ESRRG: variants seen among roughly 807,000 people sequenced by gnomAD.
The protein encoded by ESRRG is estrogen-related receptor gamma.
Under a neutral mutation model 44.0 loss-of-function variants are expected in ESRRG, and 13 were observed. The observed-to-expected ratio is 0.30, with a 90% CI of 0.19 to 0.47. ESRRG has a LOEUF of 0.47. ESRRG is among the 20% of genes least tolerant of loss of function. The probability of loss-of-function intolerance (pLI) is 1.00; values close to 1 mark genes in which losing one functional copy is unlikely to be tolerated. For synonymous variants in ESRRG, 215 were observed against 214.6 expected, an observed-to-expected ratio of 1.00 and a Z score of -0.02; for missense variants, 395 against 580.6, an observed-to-expected ratio of 0.68 and a Z score of 3.29.
intron 2 of ESRRG, among the ~76,000 whole-genome samples, chr1:216,736,679 A>G (rs2089976992): frequency 6.6e-6 from 1 of 152,162 alleles, no homozygotes; most frequent in South Asian, 2.1e-4. Context: ...GCTGGGCTTC[A>G]GTGAACAAGA....
chr1:216,561,424 C>T (rs1424776153), intron 5 of ESRRG, among the ~76,000 whole-genome samples: 2 of 152,114 alleles, frequency 1.3e-5, no homozygotes, highest in Non-Finnish European at 2.9e-5. Context: ...AAGACCAAGA[C>T]AGGTGAAATT....
rs140173893 is a variant in ESRRG, at chr1:216,548,588, T to C, written c.862+15631A>G. ...TGACACCTTCCCATACATTTATCTT[T>C]ACTGGATTACTCTACATTGTGCAAA... is the stretch of plus-strand genomic sequence containing the variant. On this transcript the variant is annotated intron_variant, in intron 5 of 6. Transcript: ENST00000408911. Among the ~76,000 whole-genome samples the C allele has an allele frequency of 5.0e-3, 768 of 152,192 alleles. 7 individuals are homozygous for C. Among genetic ancestry groups the C allele is most frequent in the African/African-American group, 0.018 (741 of 41,552 alleles).
At position 216,945,396 on chromosome 1, in the gene ESRRG, C is replaced by T. The variant is rs11572476; in HGVS notation, c.-105-5723G>A. Among the ~76,000 whole-genome samples the T allele has an allele frequency of 4.1e-3, 628 of 151,938 alleles. 15 individuals carry two copies. Among genetic ancestry groups the T allele is most frequent in the East Asian group, 0.038 (196 of 5,152 alleles). On this transcript the variant is annotated intron_variant, in intron 1 of 7. Coordinates refer to the ESRRG transcript ENST00000359162. ...TTGAGGCAAATCTGCAAGCAGACCC[C>T]GAGAGAAAATAAAAAATGAATTAGG...
In ESRRG at chr1:216,543,367, A is replaced by G. The variant is rs12563480; in HGVS notation, c.862+20852T>C. Among the ~76,000 whole-genome samples the G allele has an allele frequency of 2.5e-4, 38 of 152,126 alleles. 1 individual carries two copies. The East Asian group carries it at 6.8e-3, about 27-fold the overall frequency. ...AAAATCTATTTTATTCTTTTGTACA[A>G]ACATCCAAGAAACTTCTTCCATGCC... On this transcript the variant is annotated intron_variant, in intron 5 of 6. Coordinates refer to ENST00000408911, the MANE Select transcript of ESRRG (RefSeq NM_001438.4).
chr1:216,755,924 C>A (rs1329075728), intron 2 of ESRRG, among the ~76,000 whole-genome samples: 1 of 151,894 alleles, frequency 6.6e-6, no homozygotes, highest in African/African-American at 2.4e-5. Context: ...AGTAGCAATC[C>A]AGAGATGTTG....
chr1:216,554,972 T>C (rs1365022083), intron 5 of ESRRG, among the ~76,000 whole-genome samples: 1 of 152,194 alleles, frequency 6.6e-6, no homozygotes. Context: ...TATTCCCTGA[T>C]ATTCCTCACA....
intron 1 of ESRRG, among the ~76,000 whole-genome samples, chr1:216,684,872 G>A (rs558580457): frequency 2.0e-5 from 3 of 152,196 alleles, no homozygotes; most frequent in Non-Finnish European, 4.4e-5. Context: ...GGCAAATTAA[G>A]TGTTTTAACA....
chr1:216,865,814 A>C (rs190579821), intron 2 of ESRRG, among the ~76,000 whole-genome samples: 3 of 152,328 alleles, frequency 2.0e-5, no homozygotes, highest in Non-Finnish European at 4.4e-5. Flanking sequence ...TTTTCTTTGC[A>C]TTCTCTATGT....
chr1:216,903,503 C>T (rs1259777992), intron 2 of ESRRG, among the ~76,000 whole-genome samples: 2 of 150,878 alleles, frequency 1.3e-5, no homozygotes, highest in Non-Finnish European at 2.9e-5. Flanking sequence ...GATTACAGGT[C>T]TGAGGTGATA....
chr1:216,932,719 GTTTTTTTTT>G lies in ESRRG; in HGVS notation c.-14+6854_-14+6862del, dbSNP rs397860904. Among the ~76,000 whole-genome samples, 360 of 70,328 alleles carry G rather than the reference GTTTTTTTTT, an allele frequency of 5.1e-3. 1 individual carries two copies. Among genetic ancestry groups the G allele is most frequent in the Middle Eastern group, 9.3e-3 (1 of 108 alleles). 46.1% of individuals were successfully genotyped at this position (70,328 alleles called of 152,430 possible). On this transcript the variant is annotated intron_variant, in intron 2 of 7. Coordinates refer to the ESRRG transcript ENST00000359162. ...GATACAGGTACATGCCACCAAACTT[GTTTTTTTTT>G]TTTTTTTTTTTTTTTTTTGGTAGAG...
chr1:216,764,477 C>T (rs1291024829), intron 2 of ESRRG, among the ~76,000 whole-genome samples: 1 of 152,002 alleles, frequency 6.6e-6, no homozygotes, highest in East Asian at 1.9e-4. Flanking sequence ...CCATGTTGGC[C>T]AGGCTGGTCT....
chr1:217,127,901 ATATGT>A (rs1235246356), intron 1 of ESRRG, among the ~76,000 whole-genome samples: 2 of 152,212 alleles, frequency 1.3e-5, no homozygotes, highest in East Asian at 3.8e-4. Context: ...ACATTTTCAC[ATATGT>A]TATTCCTTTT....
At chr1:216,819,290 T>C (rs187349389) in intron 2 of ESRRG, among the ~76,000 whole-genome samples, 1 of 152,312 alleles carries the variant, frequency 6.6e-6, no homozygotes, top group East Asian at 1.9e-4. Flanking sequence ...CTTATTTCTT[T>C]CATTAATGAC....
chr1:216,834,741 GACA>G (rs1225886131), intron 2 of ESRRG, among the ~76,000 whole-genome samples: 1 of 152,194 alleles, frequency 6.6e-6, no homozygotes, highest in Non-Finnish European at 1.5e-5. Context: ...ATGGAAGAAT[GACA>G]ACAACAGATG....
intron 1 of ESRRG, among the ~76,000 whole-genome samples, chr1:216,718,804 T>C (rs1308426661): frequency 6.6e-6 from 1 of 152,038 alleles, no homozygotes; most frequent in Non-Finnish European, 1.5e-5. Context: ...TCCATGAATT[T>C]GCTATGAAGC....
At chr1:216,819,682 T>C (rs1288476481) in intron 2 of ESRRG, among the ~76,000 whole-genome samples, 1 of 152,224 alleles carries the variant, frequency 6.6e-6, no homozygotes. Flanking sequence ...GTTAAATGTT[T>C]TATTTTGGCT....
intron 2 of ESRRG, among the ~76,000 whole-genome samples, chr1:216,778,782 G>A (rs1222197140): frequency 6.6e-6 from 1 of 151,908 alleles, no homozygotes; most frequent in Non-Finnish European, 1.5e-5. Context: ...AACCTATGTG[G>A]AAGAAGTATC....
At chr1:216,928,296 T>G (rs905416511) in intron 2 of ESRRG, among the ~76,000 whole-genome samples, 5 of 152,184 alleles carry the variant, frequency 3.3e-5, no homozygotes, top group African/African-American at 9.7e-5. Flanking sequence ...CTCACCTCTT[T>G]TCCCCAGTGT....
chr1:216,961,256 C>T (rs937411710), intron 1 of ESRRG, among the ~76,000 whole-genome samples: 1 of 152,124 alleles, frequency 6.6e-6, no homozygotes, highest in Non-Finnish European at 1.5e-5. Flanking sequence ...CAAATTCCAG[C>T]TGGACTAAAT....
Sources: allele counts gnomAD v4.1 joint callset (sites outside exome capture counted in the v4.1 genomes callset), GRCh38; gene constraint gnomAD v4.1.1; transcripts MANE v1.5; gene names NCBI Gene and HGNC (gene_info 2026-07-23, HGNC 2026-07-21).